The following FMNL2 variants were observed in gnomAD, a reference collection of about 807,000 sequenced individuals.
FMNL2 encodes the protein formin like 2.
Under a neutral mutation model 130.2 loss-of-function variants are expected in FMNL2, and 51 were observed. The ratio of observed to expected loss-of-function variants is 0.39; its 90% confidence interval spans 0.31 to 0.49. The LOEUF is 0.49. Among genes scored for constraint, FMNL2 ranks in the 20% least tolerant of loss-of-function variants. FMNL2 has a pLI of 0.85. For synonymous variants in FMNL2, 465 were observed against 467.1 expected (o/e 1.00, Z 0.06); for missense variants, 977 against 1,316.2 (o/e 0.74, Z 3.99).
intron 2 of FMNL2, among the ~76,000 whole-genome samples, chr2:152,525,743 C>T (rs745756028): frequency 3.3e-5 from 5 of 152,152 alleles, no homozygotes; most frequent in Non-Finnish European, 7.3e-5. Context: ...CTGCATCTCT[C>T]CAGGCTTGGC....
chr2:152,474,124 G>A (rs55915972), intron 1 of FMNL2, among the ~76,000 whole-genome samples: 4,504 of 152,104 alleles, frequency 0.03, 78 homozygotes, highest in Middle Eastern at 0.072. Flanking sequence ...TGATCTGCCC[G>A]CCTCAGCCTC....
At chr2:152,513,148 A>G (rs891653115) in intron 1 of FMNL2, among the ~76,000 whole-genome samples, 1 of 152,216 alleles carries the variant, frequency 6.6e-6, no homozygotes, top group Non-Finnish European at 1.5e-5. Flanking sequence ...TTGCTTAACA[A>G]TGGAGACAGG....
At chr2:152,430,332 C>G (rs1558857284) in intron 1 of FMNL2, among the ~76,000 whole-genome samples, 1 of 152,168 alleles carries the variant, frequency 6.6e-6, no homozygotes, top group Non-Finnish European at 1.5e-5. Flanking sequence ...CCAACGTGCC[C>G]TTGTGTGCAC....
At chr2:152,359,022 A>C (rs1342588332) in intron 1 of FMNL2, among the ~76,000 whole-genome samples, 3 of 152,234 alleles carry the variant, frequency 2.0e-5, no homozygotes, top group Non-Finnish European at 2.9e-5. Context: ...TTATGAAATT[A>C]GCAAAAAATT....
At chr2:152,466,885 T>G (rs771435170) in intron 1 of FMNL2, among the ~76,000 whole-genome samples, 6 of 152,120 alleles carry the variant, frequency 3.9e-5, no homozygotes, top group Non-Finnish European at 8.8e-5. Flanking sequence ...TTTCTATGGA[T>G]TTTTGGTTGG....
chr2:152,514,784 T>C (rs1024470573), intron 1 of FMNL2, among the ~76,000 whole-genome samples: 3 of 152,202 alleles, frequency 2.0e-5, no homozygotes, highest in Non-Finnish European at 2.9e-5. Context: ...AAATATCTTA[T>C]TGTTCTCCAC....
At chr2:152,489,421 A>T (rs1179101422) in intron 1 of FMNL2, among the ~76,000 whole-genome samples, 3 of 152,220 alleles carry the variant, frequency 2.0e-5, no homozygotes, top group African/African-American at 7.2e-5. Context: ...AGATGTAGAA[A>T]TGCCTCACAC....
At chr2:152,574,434 C>CAAAAAAAAAAAAAAAAAAAGAAAA (rs1696355288) in intron 6 of FMNL2, among the ~76,000 whole-genome samples, 1 of 106,962 alleles carries the variant, frequency 9.3e-6, no homozygotes, top group Non-Finnish European at 1.9e-5. Flanking sequence ...GACTCTGTCT[C>CAAAAAAAAAAAAAAAAAAAGAAAA]AAAAAAAAAA....
At chr2:152,540,265 C>CT (rs538063113) in intron 2 of FMNL2, among the ~76,000 whole-genome samples, 158 of 152,110 alleles carry the variant, frequency 1.0e-3, no homozygotes, top group African/African-American at 3.5e-3. Flanking sequence ...TAGCCCTCAG[C>CT]TGGACTACTG....
At chr2:152,467,783 C>A (rs1461191893) in intron 1 of FMNL2, among the ~76,000 whole-genome samples, 1 of 152,152 alleles carries the variant, frequency 6.6e-6, no homozygotes, top group African/African-American at 2.4e-5. Flanking sequence ...CGAGAGCAGG[C>A]CTGGTCAACT....
chr2:152,518,059 A>C (rs1177032698), intron 1 of FMNL2, among the ~76,000 whole-genome samples: 3 of 152,214 alleles, frequency 2.0e-5, no homozygotes, highest in Non-Finnish European at 4.4e-5. Context: ...TTTTCCTCAC[A>C]CAGTAACTTG....
chr2:152,637,731 G>C, intron 23 of FMNL2, 57 bp downstream of exon 23: 1 of 1,485,930 alleles, frequency 6.7e-7, no homozygotes, highest in Admixed American at 1.7e-5. Flanking sequence ...TCCTTGAGAT[G>C]TGTCTGAGTC....
intron 15 of FMNL2, among the ~76,000 whole-genome samples, chr2:152,622,210 C>G (rs138536944): frequency 4.6e-5 from 7 of 152,062 alleles, no homozygotes; most frequent in Admixed American, 2.6e-4. Context: ...CCTCACAATG[C>G]GAATTTGGAC....
intron 25 of FMNL2, among the ~76,000 whole-genome samples, chr2:152,645,235 G>C (rs1683448180): frequency 6.6e-6 from 1 of 152,120 alleles, no homozygotes; most frequent in Non-Finnish European, 1.5e-5. Context: ...GCTTGGAACT[G>C]GGTGGTCAGA....
chr2:152,359,015 T>C (rs900154258), intron 1 of FMNL2, among the ~76,000 whole-genome samples: 1 of 152,274 alleles, frequency 6.6e-6, no homozygotes, highest in Admixed American at 6.5e-5. Flanking sequence ...CTACATATTA[T>C]GAAATTAGCA....
At chr2:152,404,654 G>T (rs1685884219) in intron 1 of FMNL2, among the ~76,000 whole-genome samples, 1 of 152,126 alleles carries the variant, frequency 6.6e-6, no homozygotes, top group African/African-American at 2.4e-5. Context: ...ATCAAAAATT[G>T]GTGGTGGTGG....
rs185045831 is a variant in FMNL2, at chr2:152,648,603, G to A, written c.*698G>A. ...AGCTAGAGGCAGCTTTTTAAATAAT[G>A]CAAGTGTATTTATTAGCATTAAAAT... On this transcript the variant is annotated 3_prime_UTR_variant, in exon 26 of 26. Transcript: ENST00000288670. The A allele has an allele frequency of 6.6e-6, 1 of 152,550 alleles. No homozygotes were observed. Among genetic ancestry groups the A allele is most frequent in the East Asian group, 1.9e-4 (1 of 5,190 alleles). The allele number at this position is 152,550 out of a possible 1,614,324, so 9.4% of individuals were successfully genotyped here. A position where few individuals can be genotyped will look rare whatever the true frequency, so the allele number is the denominator to read the frequency against.
intron 1 of FMNL2, among the ~76,000 whole-genome samples, chr2:152,420,421 C>G (rs1686847439): frequency 6.6e-6 from 1 of 152,204 alleles, no homozygotes; most frequent in African/African-American, 2.4e-5. Context: ...CACCCCTTTC[C>G]TAGTAACTGC....
intron 1 of FMNL2, among the ~76,000 whole-genome samples, chr2:152,378,986 CAAAAAAAAAAAA>C (rs34091948): frequency 2.4e-5 from 1 of 41,980 alleles, no homozygotes; most frequent in Non-Finnish European, 3.8e-5. Context: ...AGACCAGCTG[CAAAAAAAAAAAA>C]AAAAAAAAAA....
Sources: gnomAD v4.1 joint callset for allele counts (sites outside exome capture counted in the v4.1 genomes callset) on GRCh38, gnomAD v4.1.1 for gene constraint, MANE v1.5 for transcripts, NCBI Gene and HGNC (gene_info 2026-07-23, HGNC 2026-07-21) for gene names.